CUL4B: variants seen among roughly 807,000 people sequenced by gnomAD.
CUL4B encodes the protein cullin-4B.
CUL4B carries 1 observed loss-of-function variant against 69.2 expected under a neutral mutation model. The ratio of observed to expected loss-of-function variants is 0.01; its 90% confidence interval spans 0.01 to 0.07. The LOEUF (loss-of-function observed/expected upper bound fraction) is 0.07, where lower values mean the gene tolerates loss of function less well. Ranked by LOEUF, CUL4B falls within the 10% of genes least tolerant of loss-of-function variation. The pLI, the probability that CUL4B is intolerant of heterozygous loss-of-function variation, is 1.00. For synonymous variants in CUL4B, 237 were observed against 223.2 expected (o/e 1.06, Z -0.55); for missense variants, 328 against 638.8 (o/e 0.51, Z 5.24).
upstream of CUL4B, chrX:120,561,226 C>T (rs998049654): frequency 4.0e-6 from 2 of 505,167 alleles, no homozygotes; most frequent in Non-Finnish European, 6.8e-6. Context: ...GGCTAAAGTG[C>T]CCCAGACGCT....
At chrX:120,540,749 T>C (rs1451399448) in intron 10 of CUL4B, among the ~76,000 whole-genome samples, 187 bp from the exon 11 acceptor site, 1 of 112,171 alleles carries the variant, frequency 8.9e-6, no homozygotes, top group Non-Finnish European at 1.9e-5. Flanking sequence ...AGGATCCTCC[T>C]GCCTCAGCCT....
At chrX:120,550,776 C>T (rs1478638082) in intron 2 of CUL4B, among the ~76,000 whole-genome samples, 2 of 111,648 alleles carry the variant, frequency 1.8e-5, no homozygotes, top group African/African-American at 6.5e-5. Flanking sequence ...ATTTTCCTTC[C>T]TCAACAACCT....
chrX:120,535,205 C>G (rs940385309), intron 16 of CUL4B, among the ~76,000 whole-genome samples: 5 of 110,635 alleles, frequency 4.5e-5, no homozygotes, highest in African/African-American at 1.6e-4. Flanking sequence ...TAAAAATAAA[C>G]AAATAAATAA....
intron 2 of CUL4B, among the ~76,000 whole-genome samples, chrX:120,549,536 C>CT (rs1473263467): frequency 9.0e-6 from 1 of 111,567 alleles, no homozygotes; most frequent in Non-Finnish European, 1.9e-5. Flanking sequence ...GTGTGAGACT[C>CT]TGTCTCGAGA....
At chrX:120,569,392 G>A (rs1298770940), downstream of CUL4B, among the ~76,000 whole-genome samples, 54 of 100,509 alleles carry the variant, frequency 5.4e-4, no homozygotes, top group Non-Finnish European at 9.5e-4. Flanking sequence ...ACGGAGTCTC[G>A]CTCTGTCTTC....
At position 120,560,160 on chromosome X, in the gene CUL4B, T is replaced by G; in HGVS notation, c.479A>C (p.Lys160Thr). ...ASVHHANGLA[K>T]SSTTVSSFAN... ...AAAGCTAGAGACGGTGGTAGAAGAT[T>G]TGGCTAGGCCGTTTGCATGATGCAC... Residue 160 changes from lysine (K) to threonine (T), a missense_variant, in exon 1 of 20, where the codon AAA (lysine) becomes ACA (threonine). Coordinates refer to ENST00000371322, the MANE Select transcript of CUL4B (RefSeq NM_001079872.2). 1 of 1,211,935 alleles carries G rather than the reference T, an allele frequency of 8.3e-7. No individual in the cohort carries two copies. The highest frequency in any genetic ancestry group is 2.3e-4 in the Middle Eastern group (1 of 4,356).
At chrX:120,571,491 G>A (rs1471052366) in exon 3 of CUL4B, 1 of 111,273 alleles carries the variant, frequency 9.0e-6, no homozygotes, top group Non-Finnish European at 1.9e-5. Context: ...CAACCTGGTG[G>A]AAGAATGGAC....
In CUL4B at chrX:120,544,178, C is replaced by A; in HGVS notation, c.1109G>T (p.Arg370Leu). Residue 370 changes from arginine (R) to leucine (L), a missense_variant, in exon 7 of 20, where the codon CGA becomes CTA. By Grantham distance (102) the Arg-to-Leu change is moderately radical (BLOSUM62 -2). Coordinates refer to ENST00000371322, the MANE Select transcript of CUL4B (RefSeq NM_001079872.2). ...GAGCCGGTTAGTTTCTTCCAAAAAT[C>A]GTTGTTCAAAAGAATCTTGATAAAT... ...LQIYQDSFEQRFLEETNRLYA... is the reference protein window; with the variant it reads ...LQIYQDSFEQLFLEETNRLYA... 1 of 1,202,029 alleles carries A rather than the reference C, an allele frequency of 8.3e-7. No homozygotes were observed. The highest frequency in any genetic ancestry group is 1.8e-5 in the South Asian group (1 of 56,684).
At chrX:120,565,472 A>G (rs767643114), upstream of CUL4B, among the ~76,000 whole-genome samples, 22 of 108,411 alleles carry the variant, frequency 2.0e-4, no homozygotes, top group African/African-American at 7.4e-4. Context: ...TCACTTGGCC[A>G]GGAGTTTGAG....
intron 2 of CUL4B, among the ~76,000 whole-genome samples, chrX:120,555,283 T>C (rs899603874): frequency 3.6e-5 from 4 of 112,097 alleles, no homozygotes; most frequent in Non-Finnish European, 7.5e-5. Flanking sequence ...GGTTAATTAA[T>C]AACCACAATA....
At position 120,532,593 on chromosome X, in the gene CUL4B, C is replaced by T; in HGVS notation, c.2268G>A (p.Glu756=). The change falls in exon 18 of 20, where the codon GAG becomes GAA. Residue 756 remains glutamate, a splice_region_variant and synonymous_variant. Coordinates refer to ENST00000371322, the MANE Select transcript of CUL4B (RefSeq NM_001079872.2). The part of the protein sequence containing the change: ...LEEIKQATGI[E]DGELRRTLQS... ...GCAGTGTTCTCCTTAACTCTCCATC[C>T]TCTGAAGAAGAAACAGAGGTTTAGT... is the stretch of plus-strand genomic sequence containing the variant. 2.5e-6 allele frequency: 3 copies of T among 1,202,570 alleles called. No homozygotes were observed. In the East Asian group the frequency reaches 8.9e-5, roughly 36 times the overall value.
At chrX:120,561,228 C>T, upstream of CUL4B, 1 of 509,889 alleles carries the variant, frequency 2.0e-6, no homozygotes, top group Non-Finnish European at 3.4e-6. Flanking sequence ...CTAAAGTGCC[C>T]CAGACGCTCG....
chrX:120,555,308 A>G (rs1924898234), intron 2 of CUL4B, among the ~76,000 whole-genome samples: 1 of 112,393 alleles, frequency 8.9e-6, no homozygotes, highest in Admixed American at 9.4e-5. Flanking sequence ...TTTGTTACAA[A>G]TATGGAATAT....
chrX:120,572,531 T>TA (rs1175439388), intron 2 of CUL4B, among the ~76,000 whole-genome samples: 4 of 100,645 alleles, frequency 4.0e-5, no homozygotes, highest in Middle Eastern at 0.01. Flanking sequence ...GACTACAAAA[T>TA]AAGGTGAAAT....
chrX:120,541,642 C>T lies in CUL4B; in HGVS notation c.1403G>A (p.Gly468Glu). ...CCACTGCTGCAAAAGAACCTGAACT[C>T]CACCTCGAACTCTACTGAAGAGCTG... ...LYQLFSRVRG[G>E]VQVLLQQWIE... The change falls in exon 10 of 20, where the codon GGA becomes GAA. Residue 468 changes from glycine to glutamate, a missense_variant. By Grantham distance (98) the Gly-to-Glu change is moderately conservative. Transcript: ENST00000371322. 1 of 1,207,419 alleles carries T rather than the reference C, an allele frequency of 8.3e-7. No homozygotes were observed. Among genetic ancestry groups the T allele is most frequent in the Non-Finnish European group, 1.1e-6 (1 of 891,628 alleles).
intron 1 of CUL4B, chrX:120,574,759 T>C (rs1925820143): frequency 1.7e-6 from 1 of 592,746 alleles, no homozygotes; most frequent in Admixed American, 2.7e-5. Flanking sequence ...AAGGAAATTA[T>C]CAAAATTTTG....
At chrX:120,561,035 A>G, upstream of CUL4B, 1 of 945,420 alleles carries the variant, frequency 1.1e-6, no homozygotes, top group Non-Finnish European at 1.3e-6. Context: ...GGAAAGGGGG[A>G]GGGGGAAAGA....
chrX:120,574,940 T>A (rs1925826868), intron 1 of CUL4B, among the ~76,000 whole-genome samples: 1 of 112,293 alleles, frequency 8.9e-6, no homozygotes, highest in African/African-American at 3.2e-5. Context: ...CTTGAACTCC[T>A]ACGGGCTTGA....
At chrX:120,534,622 T>G in intron 16 of CUL4B, 36 bp from the exon 17 acceptor site, 1 of 922,365 alleles carries the variant, frequency 1.1e-6, no homozygotes, top group Non-Finnish European at 1.6e-6. Context: ...TCATCACTTT[T>G]TTAAAAACAC....
Sources: allele counts gnomAD v4.1 joint callset (sites outside exome capture counted in the v4.1 genomes callset), GRCh38; gene constraint gnomAD v4.1.1; transcripts MANE v1.5; gene names NCBI Gene and HGNC (gene_info 2026-07-23, HGNC 2026-07-21).